POU1F1: variants seen among roughly 807,000 people sequenced by gnomAD.
POU1F1 encodes POU class 1 homeobox 1.
Under a neutral mutation model 32.3 loss-of-function variants are expected in POU1F1, and 23 were observed. The ratio of observed to expected loss-of-function variants is 0.71; its 90% CI spans 0.51 to 1.01. The LOEUF (loss-of-function observed/expected upper bound fraction) is 1.01, where lower values mean the gene tolerates loss of function less well. Among genes scored for constraint, POU1F1 ranks in the 50% least tolerant of loss-of-function variants. The pLI is 0.00. For missense variants in POU1F1, 323 were observed against 341.6 expected (o/e 0.95, Z 0.43); for synonymous variants, 120 against 115.6 (o/e 1.04, Z -0.25).
rs560793581 is a variant in POU1F1 at position 87,267,511 on chromosome 3, T to C, written c.215-2999A>G. On this transcript the variant is annotated intron_variant, in intron 2 of 5. Transcript: ENST00000350375. ...CTCTGCATTTAAACACCTTTGGCTA[T>C]ATTAAACAAACACTGTTCCACAAAA... is the stretch of plus-strand genomic sequence containing the variant. Among the ~76,000 whole-genome samples the C allele has an allele frequency of 3.8e-3, 582 of 152,318 alleles. 4 individuals carry two copies. Among genetic ancestry groups the C allele is most frequent in the Non-Finnish European group, 5.1e-3 (346 of 68,024 alleles).
chr3:87,271,324 G>T (rs1455276903), intron 2 of POU1F1, among the ~76,000 whole-genome samples: 1 of 152,172 alleles, frequency 6.6e-6, no homozygotes, highest in Non-Finnish European at 1.5e-5. Context: ...TCTGAGGCCA[G>T]CTGCAAACTC....
chr3:87,274,918 TA>T (rs1269012580), intron 1 of POU1F1, among the ~76,000 whole-genome samples: 1 of 151,942 alleles, frequency 6.6e-6, no homozygotes, highest in African/African-American at 2.4e-5. Flanking sequence ...AATTGTTACT[TA>T]TTTTAAAGTA....
At chr3:87,274,046 CTATT>C (rs538981696) in intron 1 of POU1F1, among the ~76,000 whole-genome samples, 2 of 152,164 alleles carry the variant, frequency 1.3e-5, no homozygotes, top group Non-Finnish European at 2.9e-5. Flanking sequence ...AATATATGAT[CTATT>C]TATTTTGATG....
Position 87,259,974 on chromosome 3 carries a change from T to C in POU1F1, c.796A>G (p.Arg266Gly). Residue 266 changes from arginine (R) to glycine (G), a missense_variant, in exon 6 of 6, where the codon AGG (arginine) becomes GGG (glycine). Arg to Gly is a moderately radical substitution (Grantham distance 125, BLOSUM62 -2). Coordinates refer to ENST00000350375, the MANE Select transcript of POU1F1 (RefSeq NM_000306.4). ...GTTTTCACCCGTTTTTCTCTCTGCCTCCGGTTGCAAAACCAAACTCTTACT... is the reference window on the plus strand; with the variant it reads ...GTTTTCACCCGTTTTTCTCTCTGCCCCCGGTTGCAAAACCAAACTCTTACT... ...EVVRVWFCNR[R>G]QREKRVKTSL... is the part of the protein sequence containing the mutation. The C allele has an allele frequency of 1.2e-6, 2 of 1,614,166 alleles. No individual in the cohort carries two copies. Among genetic ancestry groups the C allele is most frequent in the Non-Finnish European group, 1.7e-6 (2 of 1,180,022 alleles).
In POU1F1 at chr3:87,265,546, A is replaced by G. The variant is rs183668303; in HGVS notation, c.215-1034T>C. 3.1e-3 allele frequency among the ~76,000 whole-genome samples: 466 copies of G among 152,114 alleles called. 3 individuals carry two copies. Among genetic ancestry groups the G allele is most frequent in the African/African-American group, 0.011 (447 of 41,530 alleles). On this transcript the variant is annotated intron_variant, in intron 2 of 5. Transcript: ENST00000350375. ...TACAATTTTTATCGACAAAGATTCT[A>G]CTTCAATTTATATTAAATGACATGT...
chr3:87,264,566 T>C, intron 2 of POU1F1, 54 bp from the exon 3 acceptor site: 1 of 1,405,044 alleles, frequency 7.1e-7, no homozygotes, highest in Non-Finnish European at 1.0e-6. Context: ...TTCTCCTTAT[T>C]TCTATATAAG....
At chr3:87,269,225 T>C (rs1027589486) in intron 2 of POU1F1, among the ~76,000 whole-genome samples, 2 of 152,226 alleles carry the variant, frequency 1.3e-5, no homozygotes, top group African/African-American at 2.4e-5. Context: ...CTGGGGCCTA[T>C]TGCCTGTGTT....
chr3:87,263,538 A>T (rs543653588), intron 3 of POU1F1, among the ~76,000 whole-genome samples: 2 of 152,110 alleles, frequency 1.3e-5, no homozygotes, highest in Non-Finnish European at 2.9e-5. Flanking sequence ...ATTTGGTACA[A>T]CTTCTCTAGA....
At chr3:87,261,489 C>T (rs1419899753) in intron 4 of POU1F1, among the ~76,000 whole-genome samples, 156 bp from the exon 5 acceptor site, 1 of 152,096 alleles carries the variant, frequency 6.6e-6, no homozygotes, top group Non-Finnish European at 1.5e-5. Flanking sequence ...CTATTACAGA[C>T]CTTAGAGAAA....
chr3:87,260,903 T>A (rs1398427545), intron 5 of POU1F1, among the ~76,000 whole-genome samples: 1 of 148,234 alleles, frequency 6.7e-6, no homozygotes, highest in African/African-American at 2.5e-5. Context: ...TTTATTTATT[T>A]ATTTATTTAT....
intron 2 of POU1F1, among the ~76,000 whole-genome samples, chr3:87,268,012 C>T (rs577464923): frequency 9.2e-5 from 14 of 151,522 alleles, no homozygotes; most frequent in African/African-American, 3.1e-4. Flanking sequence ...AAATACCATG[C>T]TCCAAGGTTT....
intron 1 of POU1F1, among the ~76,000 whole-genome samples, chr3:87,275,895 G>A (rs1706817144): frequency 6.6e-6 from 1 of 152,038 alleles, no homozygotes; most frequent in South Asian, 2.1e-4. Context: ...AAGGTTTATA[G>A]CTGTTTTTAG....
chr3:87,260,865 ATTT>A (rs199555032), intron 5 of POU1F1, among the ~76,000 whole-genome samples: 7 of 45,390 alleles, frequency 1.5e-4, no homozygotes, highest in African/African-American at 5.7e-4. Flanking sequence ...CATTATTATT[ATTT>A]TTTTTTTATT....
At position 87,259,977 on chromosome 3, in the gene POU1F1, G is replaced by A. The variant is rs780359925; in HGVS notation, c.793C>T (p.Arg265Trp). ...TTCACCCGTTTTTCTCTCTGCCTCC[G>A]GTTGCAAAACCAAACTCTTACTACT... ...KEVVRVWFCNRRQREKRVKTS... is the reference protein window; with the variant it reads ...KEVVRVWFCNWRQREKRVKTS... The change falls in exon 6 of 6, where the codon CGG becomes TGG. Residue 265 changes from arginine to tryptophan, a missense_variant. Physicochemically the swap from Arg to Trp is moderately radical, Grantham distance 101. Coordinates refer to ENST00000350375, the MANE Select transcript of POU1F1 (RefSeq NM_000306.4). The A allele has an allele frequency of 1.9e-6, 3 of 1,614,020 alleles. No homozygotes were observed. The highest frequency in any genetic ancestry group is 1.1e-5 in the South Asian group (1 of 91,078).
chr3:87,263,924 G>C (rs887278327), intron 3 of POU1F1, among the ~76,000 whole-genome samples: 1 of 151,564 alleles, frequency 6.6e-6, no homozygotes, highest in Admixed American at 6.6e-5. Flanking sequence ...AACTAACAAC[G>C]ATATACAGAA....
intron 2 of POU1F1, among the ~76,000 whole-genome samples, chr3:87,271,536 C>T (rs1397274432): frequency 6.6e-6 from 1 of 152,118 alleles, no homozygotes; most frequent in East Asian, 1.9e-4. Flanking sequence ...CCTGGGAGTT[C>T]CTCTAAATGA....
chr3:87,259,455 G>T lies in POU1F1; in HGVS notation c.*439C>A, dbSNP rs542004638. The T allele has an allele frequency of 6.0e-6, 1 of 165,312 alleles. No individual in the cohort carries two copies. Among genetic ancestry groups the T allele is most frequent in the African/African-American group, 2.4e-5 (1 of 41,634 alleles). The allele number at this position is 165,312 out of a possible 1,614,324, so 10.2% of individuals were successfully genotyped here. On this transcript the variant is annotated 3_prime_UTR_variant, in exon 6 of 6. Coordinates refer to ENST00000350375, the MANE Select transcript of POU1F1 (RefSeq NM_000306.4). ...CAAAACTTTTAGTTCAGACAAATTA[G>T]TAGAGTTGGTAGAAAGCAGAACATT...
Position 87,266,802 on chromosome 3 carries a change from T to C in POU1F1, c.215-2290A>G, listed in dbSNP as rs372265495. On this transcript the variant is annotated intron_variant, in intron 2 of 5. Transcript: ENST00000350375. ...AAGGACTAATAGATGTAAAAGAAAA[T>C]TGATGACATTTATGTTATCATTTAT... Among the ~76,000 whole-genome samples, 5 of 152,192 alleles carry C rather than the reference T, an allele frequency of 3.3e-5. No homozygotes were observed. In the East Asian group the frequency reaches 7.7e-4, roughly 23 times the overall value.
intron 3 of POU1F1, among the ~76,000 whole-genome samples, chr3:87,263,961 C>T (rs1706562891): frequency 6.6e-6 from 1 of 151,846 alleles, no homozygotes; most frequent in South Asian, 2.1e-4. Flanking sequence ...ATACATGTCA[C>T]TTATACTCTT....
Sources: allele counts gnomAD v4.1 joint callset (sites outside exome capture counted in the v4.1 genomes callset), GRCh38; gene constraint gnomAD v4.1.1; transcripts MANE v1.5; gene names NCBI Gene and HGNC (gene_info 2026-07-23, HGNC 2026-07-21).